The following SCFD2 variants were observed in gnomAD, a reference collection of about 807,000 sequenced individuals.
SCFD2 encodes the protein sec1 family domain-containing protein 2.
Under a neutral mutation model 58.9 loss-of-function variants are expected in SCFD2, and 54 were observed. The observed-to-expected ratio is 0.92, with a 90% CI of 0.74 to 1.15. The LOEUF (loss-of-function observed/expected upper bound fraction) is 1.15, where lower values mean the gene tolerates loss of function less well. SCFD2 is among the 50% of genes most tolerant of loss of function. SCFD2 has a pLI of 0.00. For synonymous variants in SCFD2, 321 were observed against 335.9 expected (o/e 0.96, Z 0.49); for missense variants, 805 against 836.6 (o/e 0.96, Z 0.47).
intron 2 of SCFD2, among the ~76,000 whole-genome samples, chr4:53,323,606 C>A (rs1733091510): frequency 7.1e-6 from 1 of 141,376 alleles, no homozygotes; most frequent in African/African-American, 2.6e-5. Context: ...TGGTCTCTAA[C>A]TAGGCTCAAG....
intron 4 of SCFD2, among the ~76,000 whole-genome samples, chr4:53,207,003 G>A (rs1728424713): frequency 6.6e-6 from 1 of 151,876 alleles, no homozygotes; most frequent in African/African-American, 2.4e-5. Flanking sequence ...ATCTGGTGAG[G>A]GCCTCCTTGC....
chr4:53,203,165 G>A (rs2148970006), intron 4 of SCFD2, among the ~76,000 whole-genome samples: 1 of 152,262 alleles, frequency 6.6e-6, no homozygotes, highest in East Asian at 1.9e-4. Context: ...CTGTGGGTGT[G>A]TCATAGATAG....
intron 5 of SCFD2, among the ~76,000 whole-genome samples, chr4:52,947,645 T>C (rs569254199): frequency 2.0e-5 from 3 of 152,126 alleles, no homozygotes; most frequent in Admixed American, 6.5e-5. Context: ...AAACTTGATA[T>C]ACTACCAAGA....
intron 2 of SCFD2, among the ~76,000 whole-genome samples, chr4:53,329,472 C>T (rs1001464554): frequency 1.9e-4 from 29 of 151,422 alleles, no homozygotes; most frequent in Non-Finnish European, 3.2e-4. Flanking sequence ...GAGGCACCCC[C>T]CAGCAGGGGC....
chr4:53,304,662 T>A (rs1342951763), intron 3 of SCFD2, among the ~76,000 whole-genome samples: 3 of 151,908 alleles, frequency 2.0e-5, no homozygotes, highest in Admixed American at 2.0e-4. Flanking sequence ...GTGCTGTGTG[T>A]TTTAGCTCCA....
intron 4 of SCFD2, among the ~76,000 whole-genome samples, chr4:53,162,852 T>C (rs914749201): frequency 6.6e-6 from 1 of 150,692 alleles, no homozygotes; most frequent in African/African-American, 2.4e-5. Flanking sequence ...AGTATAATAA[T>C]AATAAAATAA....
At chr4:53,293,779 C>T (rs183086992) in intron 3 of SCFD2, among the ~76,000 whole-genome samples, 29 of 152,120 alleles carry the variant, frequency 1.9e-4, no homozygotes, top group African/African-American at 5.1e-4. Flanking sequence ...ATGTGCAGAA[C>T]GTGCAGGTTT....
chr4:53,184,434 C>A (rs1490212141), intron 4 of SCFD2, among the ~76,000 whole-genome samples: 1 of 152,080 alleles, frequency 6.6e-6, no homozygotes, highest in Non-Finnish European at 1.5e-5. Flanking sequence ...CTATTTCGGA[C>A]CACAAAATGG....
At chr4:53,239,420 G>GGGAGAA (rs1440709297) in intron 4 of SCFD2, among the ~76,000 whole-genome samples, 1 of 33,800 alleles carries the variant, frequency 3.0e-5, no homozygotes, top group East Asian at 1.4e-3. Flanking sequence ...GAGAGGGAGA[G>GGGAGAA]GAGGGAGAGG....
intron 5 of SCFD2, among the ~76,000 whole-genome samples, chr4:53,089,375 T>TAATTTTGATGAAGTCCAATTGTGCTGAAA (rs1166099254): frequency 1.6e-4 from 24 of 152,102 alleles, no homozygotes; most frequent in African/African-American, 5.1e-4. Context: ...AAGCAAAAAG[T>TAATTTTGATGAAGTCCAATTGTGCTGAAA]TTCTAATTTT....
chr4:53,066,915 G>A (rs575597694), intron 5 of SCFD2, among the ~76,000 whole-genome samples: 1 of 152,106 alleles, frequency 6.6e-6, no homozygotes, highest in African/African-American at 2.4e-5. Flanking sequence ...CCATTAGAAT[G>A]CAGGCCTCAT....
At chr4:53,308,524 T>A (rs896794870) in intron 3 of SCFD2, among the ~76,000 whole-genome samples, 2 of 152,018 alleles carry the variant, frequency 1.3e-5, no homozygotes, top group Non-Finnish European at 2.9e-5. Context: ...TATACACACA[T>A]AACAAAGAGA....
chr4:53,070,396 GAAATT>G (rs947748358), intron 5 of SCFD2, among the ~76,000 whole-genome samples: 4 of 151,932 alleles, frequency 2.6e-5, no homozygotes, highest in African/African-American at 7.2e-5. Flanking sequence ...TCATTAAATT[GAAATT>G]AAATTAATTA....
chr4:52,879,827 C>T (rs1304130077), intron 8 of SCFD2, among the ~76,000 whole-genome samples: 1 of 152,240 alleles, frequency 6.6e-6, no homozygotes, highest in Non-Finnish European at 1.5e-5. Flanking sequence ...CCATATCCCC[C>T]TGATTTCTAA....
intron 4 of SCFD2, among the ~76,000 whole-genome samples, chr4:53,270,180 G>T (rs1302666783): frequency 6.6e-6 from 1 of 152,080 alleles, no homozygotes; most frequent in Non-Finnish European, 1.5e-5. Context: ...AGTTGAATTT[G>T]TCCCAGGAAT....
Position 52,873,886 on chromosome 4 carries a change from G to T in SCFD2, c.*83C>A. ...CTCGCAATTAGTGACAGGGACGCTG[G>T]TTGTGGAGGAGTATTTGGAGTGGTG... On this transcript the variant is annotated 3_prime_UTR_variant, in exon 9 of 9. Coordinates refer to ENST00000401642, the MANE Select transcript of SCFD2 (RefSeq NM_152540.4). 2 of 943,888 alleles carry T rather than the reference G, an allele frequency of 2.1e-6. No individual in the cohort carries two copies. Among genetic ancestry groups the T allele is most frequent in the Non-Finnish European group, 1.7e-6 (1 of 579,008 alleles). 58.5% of individuals were successfully genotyped at this position (943,888 alleles called of 1,614,324 possible). A position where few individuals can be genotyped will look rare whatever the true frequency, so the allele number is the denominator to read the frequency against.
intron 4 of SCFD2, among the ~76,000 whole-genome samples, chr4:53,212,435 A>G (rs1728644439): frequency 6.6e-6 from 1 of 151,238 alleles, no homozygotes; most frequent in African/African-American, 2.4e-5. Context: ...TAGTCCAGGA[A>G]AGGCTGGAAA....
intron 1 of SCFD2, among the ~76,000 whole-genome samples, chr4:53,353,775 G>A (rs62325964): frequency 1.4e-5 from 2 of 140,522 alleles, no homozygotes; most frequent in East Asian, 4.4e-4. Context: ...CTAGACACAG[G>A]GTGCTGATTG....
intron 5 of SCFD2, among the ~76,000 whole-genome samples, chr4:53,072,687 T>A (rs1334866278): frequency 3.9e-5 from 6 of 152,104 alleles, no homozygotes; most frequent in African/African-American, 1.2e-4. Flanking sequence ...TTTTGCACCC[T>A]ATGTAAATCA....
Sources: allele counts gnomAD v4.1 joint callset (sites outside exome capture counted in the v4.1 genomes callset), GRCh38; gene constraint gnomAD v4.1.1; transcripts MANE v1.5; gene names NCBI Gene and HGNC (gene_info 2026-07-23, HGNC 2026-07-21).